REPS2: variants seen among roughly 807,000 people sequenced by gnomAD.
REPS2 encodes the protein ralBP1-associated Eps domain-containing protein 2.
REPS2 carries 23 observed loss-of-function variants against 53.6 expected under a neutral mutation model. The ratio of observed to expected loss-of-function variants is 0.43; its 90% confidence interval spans 0.31 to 0.61. The LOEUF (loss-of-function observed/expected upper bound fraction) is 0.61. Among genes scored for constraint, REPS2 ranks in the 20% least tolerant of loss-of-function variants. REPS2 has a pLI of 0.11. For missense variants in REPS2, 446 were observed against 534.9 expected (o/e 0.83, Z 1.64); for synonymous variants, 238 against 218.6 (o/e 1.09, Z -0.78).
intron 5 of REPS2, among the ~76,000 whole-genome samples, chrX:17,032,383 A>G (rs1043962115): frequency 2.7e-5 from 3 of 112,042 alleles, no homozygotes; most frequent in African/African-American, 9.7e-5. Flanking sequence ...AATCAGCAAC[A>G]GTCCGATTCT....
intron 6 of REPS2, among the ~76,000 whole-genome samples, chrX:17,050,199 T>TTCTTTCTTTTCTTTTCTTTTC (rs2061978281): frequency 2.9e-5 from 2 of 68,472 alleles, no homozygotes; most frequent in Non-Finnish European, 5.1e-5. Context: ...TCTTTCTTTT[T>TTCTTTCTTTTCTTTTCTTTTC]TTTTTTTTTT....
At chrX:17,191,075 A>G in the REPS2 span, among the ~76,000 whole-genome samples, 15,403 of 111,164 alleles carry the variant, frequency 0.14, 850 homozygotes, top group Admixed American at 0.18. Flanking sequence ...CGACACAAAA[A>G]ACATGATCCA....
chrX:17,122,008 C>T (rs1268662870), intron 14 of REPS2, among the ~76,000 whole-genome samples: 4 of 111,683 alleles, frequency 3.6e-5, no homozygotes, highest in African/African-American at 1.3e-4. Context: ...CCTCGGCCTC[C>T]CAAAGTGCTA....
chrX:16,950,533 A>G (rs2147592312), intron 1 of REPS2, among the ~76,000 whole-genome samples: 2 of 112,416 alleles, frequency 1.8e-5, no homozygotes, highest in South Asian at 7.3e-4. Flanking sequence ...TTTACAGAGT[A>G]TTTATTTTCC....
Position 17,147,422 on chromosome X carries a change from CA to C in REPS2, c.1926del (p.Glu643AsnfsTer47). 1 of 1,207,246 alleles carries C rather than the reference CA, an allele frequency of 8.3e-7. No individual in the cohort carries two copies. The highest frequency in any genetic ancestry group is 1.1e-6 in the Non-Finnish European group (1 of 892,241). On this transcript the variant is annotated frameshift_variant, in exon 18 of 18. Coordinates refer to ENST00000357277, the MANE Select transcript of REPS2 (RefSeq NM_004726.3). LOFTEE classifies it high-confidence loss of function. The stretch of plus-strand genomic sequence containing the variant: ...GTTTTGTACAACTCAGGAGGTTCAT[CA>C]AGAACGAATTGCATTGGAAAACCAA... ...ELQQQLKEVHQERIALENQLE... is the reference protein window; with the variant it reads ...ELQQQLKEVHXERIALENQLE...
chrX:17,111,688 A>C (rs1198513424), intron 14 of REPS2, among the ~76,000 whole-genome samples: 1 of 112,072 alleles, frequency 8.9e-6, no homozygotes, highest in Non-Finnish European at 1.9e-5. Flanking sequence ...CTGTGGTCTT[A>C]TCCTTAGTCC....
intron 14 of REPS2, among the ~76,000 whole-genome samples, chrX:17,130,230 C>G (rs1404272510): frequency 1.8e-5 from 2 of 111,339 alleles, no homozygotes. Context: ...TCCCTAGACT[C>G]CTGGCAGTGA....
rs7058279 is a variant in REPS2 at position 17,062,593 on chromosome X, T to C, written c.1209+61T>C. ...GTATGGAGCTAAATCCATTGGCCTA[T>C]GTTCTTTACAAATTCTGGAAAATGA... On this transcript the variant is annotated intron_variant, in intron 9 of 17. Coordinates refer to ENST00000357277, the MANE Select transcript of REPS2 (RefSeq NM_004726.3). The C allele has an allele frequency of 2.0e-3, 1,665 of 819,322 alleles. 19 individuals are homozygous for C. In the African/African-American group the frequency reaches 0.031, roughly 15 times the overall value. 67.5% of individuals were successfully genotyped at this position (819,322 alleles called of 1,213,427 possible). A position where few individuals can be genotyped will look rare whatever the true frequency, so the allele number is the denominator to read the frequency against.
At chrX:17,052,570 T>C in intron 7 of REPS2, 125 bp downstream of exon 7, 1 of 425,049 alleles carries the variant, frequency 2.4e-6, no homozygotes, top group Admixed American at 4.9e-5. Flanking sequence ...CAGGAGTGAA[T>C]ACAACTCAGA....
At chrX:17,018,168 A>G (rs1223622325) in intron 2 of REPS2, among the ~76,000 whole-genome samples, 1 of 107,854 alleles carries the variant, frequency 9.3e-6, no homozygotes, top group Admixed American at 1.0e-4. Flanking sequence ...TATTCATTAA[A>G]CACCTTCCCA....
At chrX:16,991,424 T>G (rs1162067977) in intron 1 of REPS2, among the ~76,000 whole-genome samples, 1 of 111,954 alleles carries the variant, frequency 8.9e-6, no homozygotes, top group Non-Finnish European at 1.9e-5. Context: ...CTATTTAGAT[T>G]AAGCCACAAG....
chrX:17,110,251 AGTATAG>A (rs1328908017), intron 14 of REPS2, among the ~76,000 whole-genome samples: 5 of 110,301 alleles, frequency 4.5e-5, no homozygotes, highest in Non-Finnish European at 9.5e-5. Flanking sequence ...AGTAAAATGA[AGTATAG>A]GTTGAGTACC....
intron 5 of REPS2, among the ~76,000 whole-genome samples, chrX:17,031,193 A>C (rs1160580335): frequency 8.9e-6 from 1 of 112,212 alleles, no homozygotes; most frequent in Non-Finnish European, 1.9e-5. Context: ...ATTTATCCCT[A>C]AGCTCTCCAA....
At position 17,025,577 on chromosome X, in the gene REPS2, T is replaced by A. The variant is rs145058503; in HGVS notation, c.673+392T>A. 5.7e-3 allele frequency among the ~76,000 whole-genome samples: 642 copies of A among 112,234 alleles called. 6 individuals are homozygous for A. Among genetic ancestry groups the A allele is most frequent in the African/African-American group, 0.02 (614 of 30,884 alleles). On this transcript the variant is annotated intron_variant, in intron 4 of 17. Transcript: ENST00000357277. The stretch of plus-strand genomic sequence containing the variant: ...CTTTAATGAAATTTCTTAAGAAATA[T>A]AACTGCAAAAGCAAAAGAGTTGATC...
At chrX:16,989,707 G>A (rs1213367213) in intron 1 of REPS2, among the ~76,000 whole-genome samples, 1 of 112,354 alleles carries the variant, frequency 8.9e-6, no homozygotes, top group Non-Finnish European at 1.9e-5. Flanking sequence ...AGCCACTAGG[G>A]AAATGTAAAT....
chrX:16,973,298 T>G (rs779895218), intron 1 of REPS2, among the ~76,000 whole-genome samples: 2 of 112,052 alleles, frequency 1.8e-5, no homozygotes, highest in Admixed American at 1.9e-4. Context: ...TATTACTTTT[T>G]CTCTTTATGG....
intron 17 of REPS2, among the ~76,000 whole-genome samples, chrX:17,141,019 C>T (rs2063438582): frequency 9.0e-6 from 1 of 111,538 alleles, no homozygotes; most frequent in Admixed American, 9.5e-5. Flanking sequence ...ATCTGCCCGC[C>T]TAGGTCTCCC....
chrX:17,163,424 A>T, the REPS2 span, among the ~76,000 whole-genome samples: 14 of 112,017 alleles, frequency 1.2e-4, 1 homozygote, highest in East Asian at 3.9e-3. Context: ...AAAGGGGCAG[A>T]AATAATGGGT....
chrX:16,974,475 A>G (rs760537352), intron 1 of REPS2, among the ~76,000 whole-genome samples: 104 of 110,216 alleles, frequency 9.4e-4, no homozygotes, highest in Non-Finnish European at 1.4e-3. Context: ...GTGAAACCCC[A>G]TCTCTACTAA....
Sources: allele counts gnomAD v4.1 joint callset (sites outside exome capture counted in the v4.1 genomes callset), GRCh38; gene constraint gnomAD v4.1.1; transcripts MANE v1.5; gene names NCBI Gene and HGNC (gene_info 2026-07-23, HGNC 2026-07-21).